CACNA2D3: variants seen among roughly 807,000 people sequenced by gnomAD.
CACNA2D3 encodes the protein voltage-dependent calcium channel subunit alpha-2/delta-3.
CACNA2D3 carries 60 observed loss-of-function variants against 160.6 expected under a neutral mutation model. The observed-to-expected ratio is 0.37, with a 90% CI of 0.30 to 0.46. The LOEUF (loss-of-function observed/expected upper bound fraction) is 0.46, where lower values mean the gene tolerates loss of function less well. CACNA2D3 is among the 20% of genes least tolerant of loss of function. CACNA2D3 has a pLI of 1.00. For synonymous variants in CACNA2D3, 558 were observed against 492.9 expected, an observed-to-expected ratio of 1.13 and a Z score of -1.75; for missense variants, 1,205 against 1,365.0, an observed-to-expected ratio of 0.88 and a Z score of 1.85.
intron 4 of CACNA2D3, among the ~76,000 whole-genome samples, chr3:54,387,977 C>T (rs770193645): frequency 3.3e-5 from 5 of 152,212 alleles, no homozygotes; most frequent in South Asian, 2.1e-4. Context: ...AAGATGTGTC[C>T]TTGTCATCAC....
chr3:54,640,987 C>G (rs1699505762), intron 10 of CACNA2D3, among the ~76,000 whole-genome samples: 4 of 152,000 alleles, frequency 2.6e-5, no homozygotes, highest in African/African-American at 7.3e-5. Flanking sequence ...ACTCTTCCTT[C>G]CCACCTCTTG....
intron 11 of CACNA2D3, among the ~76,000 whole-genome samples, chr3:54,651,024 C>T (rs192905648): frequency 5.9e-5 from 9 of 152,306 alleles, no homozygotes; most frequent in Admixed American, 5.9e-4. Flanking sequence ...CCCTGACTAG[C>T]ATTTGGTGGA....
chr3:54,868,263 C>T (rs1047581238), intron 17 of CACNA2D3, among the ~76,000 whole-genome samples: 21 of 152,256 alleles, frequency 1.4e-4, no homozygotes, highest in African/African-American at 5.1e-4. Flanking sequence ...AAAAAAGACC[C>T]AAATGAAAAG....
intron 10 of CACNA2D3, chr3:54,638,429 CTG>C (rs1411173462): frequency 3.3e-5 from 5 of 151,946 alleles, no homozygotes; most frequent in African/African-American, 7.3e-5. Flanking sequence ...CGGAATGAAA[CTG>C]TAAGCCGGAG....
At chr3:54,378,747 C>T (rs1364101432) in intron 3 of CACNA2D3, among the ~76,000 whole-genome samples, 2 of 152,296 alleles carry the variant, frequency 1.3e-5, no homozygotes, top group East Asian at 1.9e-4. Context: ...GGGCTCAAAT[C>T]GAAGGTTGTC....
chr3:54,978,122 C>G (rs1208315752), intron 29 of CACNA2D3, among the ~76,000 whole-genome samples: 1 of 152,120 alleles, frequency 6.6e-6, no homozygotes, highest in Non-Finnish European at 1.5e-5. Context: ...TTACTGCATC[C>G]TGTTTATCAG....
At chr3:54,691,122 A>G (rs1171381773) in intron 11 of CACNA2D3, among the ~76,000 whole-genome samples, 1 of 152,096 alleles carries the variant, frequency 6.6e-6, no homozygotes, top group Admixed American at 6.6e-5. Context: ...TTCTTAGGAG[A>G]AGAGGCCTGG....
At chr3:54,491,944 A>G (rs777695250) in intron 4 of CACNA2D3, among the ~76,000 whole-genome samples, 2 of 152,132 alleles carry the variant, frequency 1.3e-5, no homozygotes, top group Non-Finnish European at 2.9e-5. Context: ...AGACCTGGAA[A>G]CTTTCTCAAC....
intron 4 of CACNA2D3, among the ~76,000 whole-genome samples, chr3:54,453,363 AC>A (rs1700342231): frequency 6.6e-6 from 1 of 152,128 alleles, no homozygotes; most frequent in Non-Finnish European, 1.5e-5. Context: ...CCTTTAATTG[AC>A]TTTTTACATC....
At chr3:54,693,556 A>C (rs1700605540) in intron 11 of CACNA2D3, among the ~76,000 whole-genome samples, 1 of 152,200 alleles carries the variant, frequency 6.6e-6, no homozygotes, top group Non-Finnish European at 1.5e-5. Context: ...CCATCTACTT[A>C]TTGAAAAGAA....
intron 3 of CACNA2D3, among the ~76,000 whole-genome samples, chr3:54,352,723 G>C (rs1482458196): frequency 6.6e-6 from 1 of 152,224 alleles, no homozygotes; most frequent in Non-Finnish European, 1.5e-5. Flanking sequence ...TAGAAAGGCA[G>C]TGGTGCTTAC....
rs1559595886 is a variant in CACNA2D3 at position 54,822,840 on chromosome 3, C to CTTTCT, written c.1398+5973_1398+5977dup. ...CTTTCTTTCTTTCTTTCTTTTCTTT[C>CTTTCT]TTTCTTTCTTTCTTTCTTTCTTTTT... On this transcript the variant is annotated intron_variant, in intron 14 of 37. Transcript: ENST00000474759. Among the ~76,000 whole-genome samples, 66 of 103,756 alleles carry CTTTCT rather than the reference C, an allele frequency of 6.4e-4. 2 individuals carry two copies. The highest frequency in any genetic ancestry group is 2.6e-3 in the African/African-American group (62 of 24,072). 68.1% of individuals were successfully genotyped at this position (103,756 alleles called of 152,430 possible).
intron 3 of CACNA2D3, among the ~76,000 whole-genome samples, chr3:54,350,692 A>G (rs978727871): frequency 3.3e-5 from 5 of 152,172 alleles, no homozygotes; most frequent in African/African-American, 1.2e-4. Flanking sequence ...CTTGCTCACA[A>G]CCCAGGCAAA....
chr3:54,345,158 C>T (rs1698433791), intron 3 of CACNA2D3, among the ~76,000 whole-genome samples: 1 of 152,216 alleles, frequency 6.6e-6, no homozygotes, highest in Non-Finnish European at 1.5e-5. Flanking sequence ...AGTAGCCATT[C>T]TTTTATTCCT....
At chr3:54,404,894 T>C (rs1331028647) in intron 4 of CACNA2D3, among the ~76,000 whole-genome samples, 2 of 151,684 alleles carry the variant, frequency 1.3e-5, no homozygotes, top group Non-Finnish European at 2.9e-5. Flanking sequence ...CAAGATGAAA[T>C]ACTTAAGAAT....
chr3:54,672,242 G>A (rs976468173), intron 11 of CACNA2D3, among the ~76,000 whole-genome samples: 2 of 152,188 alleles, frequency 1.3e-5, no homozygotes, highest in Non-Finnish European at 2.9e-5. Context: ...TGCTTTTATT[G>A]GTTGGAGTTT....
chr3:54,857,484 G>T (rs1300536526), intron 17 of CACNA2D3, among the ~76,000 whole-genome samples: 1 of 152,140 alleles, frequency 6.6e-6, no homozygotes, highest in Non-Finnish European at 1.5e-5. Flanking sequence ...CTTCTCAGGT[G>T]GGGTGTCTCT....
intron 5 of CACNA2D3, among the ~76,000 whole-genome samples, chr3:54,517,711 G>A (rs1485675593): frequency 6.6e-6 from 1 of 152,182 alleles, no homozygotes; most frequent in Non-Finnish European, 1.5e-5. Flanking sequence ...GGGGACTCCT[G>A]AGCCTCACAG....
At chr3:55,025,345 G>T (rs1157415223) in intron 35 of CACNA2D3, among the ~76,000 whole-genome samples, 1 of 152,048 alleles carries the variant, frequency 6.6e-6, no homozygotes, top group South Asian at 2.1e-4. Context: ...AGATACAAAG[G>T]TGAAGGCTGG....
Sources: allele counts gnomAD v4.1 joint callset (sites outside exome capture counted in the v4.1 genomes callset), GRCh38; gene constraint gnomAD v4.1.1; transcripts MANE v1.5; gene names NCBI Gene and HGNC (gene_info 2026-07-23, HGNC 2026-07-21).